The following PDE1C variants were observed in gnomAD, a reference collection of about 807,000 sequenced individuals.
PDE1C encodes the protein dual specificity calcium/calmodulin-dependent 3',5'-cyclic nucleotide phosphodiesterase 1C.
PDE1C carries 62 observed loss-of-function variants against 93.1 expected under a neutral mutation model. The ratio of observed to expected loss-of-function variants is 0.67; its 90% confidence interval spans 0.54 to 0.82. The LOEUF is 0.82. Ranked by LOEUF, PDE1C falls within the 40% of genes least tolerant of loss-of-function variation. The pLI is 0.00. For synonymous variants in PDE1C, 325 were observed against 310.1 expected, an observed-to-expected ratio of 1.05 and a Z score of -0.50; for missense variants, 742 against 884.6, an observed-to-expected ratio of 0.84 and a Z score of 2.04.
At chr7:32,413,961 C>T (rs1030065886) in intron 1 of PDE1C, among the ~76,000 whole-genome samples, 2 of 151,878 alleles carry the variant, frequency 1.3e-5, no homozygotes, top group Non-Finnish European at 2.9e-5. Flanking sequence ...GCCTGTAATC[C>T]CAGTACTTTC....
intron 3 of PDE1C, among the ~76,000 whole-genome samples, chr7:32,082,996 G>C (rs1215364531): frequency 1.3e-5 from 2 of 151,122 alleles, no homozygotes; most frequent in Non-Finnish European, 2.9e-5. Flanking sequence ...GAACAAAGCT[G>C]GACGGAGAAT....
In PDE1C at chr7:32,294,185, C is replaced by A. The variant is rs370054593; in HGVS notation, c.85+4466G>T. 2.8e-3 allele frequency among the ~76,000 whole-genome samples: 428 copies of A among 152,296 alleles called. 3 individuals are homozygous for A. Among genetic ancestry groups the A allele is most frequent in the African/African-American group, 9.6e-3 (400 of 41,552 alleles). On this transcript the variant is annotated intron_variant, in intron 1 of 18. Coordinates refer to the PDE1C transcript ENST00000396193. ...TAGGTCAGGGAACCCCCACTCCCAG[C>A]CCCTCAAGCCTCCGATTGCTGTCTA...
At chr7:32,214,806 T>C (rs961375490) in intron 1 of PDE1C, among the ~76,000 whole-genome samples, 2 of 152,192 alleles carry the variant, frequency 1.3e-5, no homozygotes, top group African/African-American at 2.4e-5. Context: ...ATTGCCTCTA[T>C]CCTTCAGCAT....
chr7:31,958,148 T>A (rs1195065574), intron 2 of PDE1C, among the ~76,000 whole-genome samples: 1 of 152,228 alleles, frequency 6.6e-6, no homozygotes, highest in African/African-American at 2.4e-5. Flanking sequence ...CTTTCATTCA[T>A]GCTAGTGCCA....
chr7:32,219,818 G>C (rs931218159), intron 1 of PDE1C, among the ~76,000 whole-genome samples: 11 of 152,206 alleles, frequency 7.2e-5, no homozygotes, highest in African/African-American at 2.4e-4. Context: ...TATTGATATG[G>C]TTTGGCTGTG....
At chr7:31,626,162 C>T in the PDE1C span, among the ~76,000 whole-genome samples, 1 of 152,188 alleles carries the variant, frequency 6.6e-6, no homozygotes. Context: ...AAATCTGTGA[C>T]TATGTGTATG....
chr7:32,274,376 T>TTTC (rs1226992071), intron 1 of PDE1C, among the ~76,000 whole-genome samples: 1 of 150,062 alleles, frequency 6.7e-6, no homozygotes. Context: ...TCTGGCCTTT[T>TTTC]TTTTTTTTTT....
At chr7:32,273,102 A>G (rs1018201288) in intron 1 of PDE1C, among the ~76,000 whole-genome samples, 22 of 152,136 alleles carry the variant, frequency 1.4e-4, no homozygotes, top group African/African-American at 5.3e-4. Context: ...GTGATGAAGA[A>G]ATCTATTTCA....
chr7:31,695,116 G>C, the PDE1C span, among the ~76,000 whole-genome samples: 10 of 150,634 alleles, frequency 6.6e-5, no homozygotes, highest in Middle Eastern at 6.8e-3. Context: ...TGAGCAAAAA[G>C]AATGGAGGCG....
intron 2 of PDE1C, among the ~76,000 whole-genome samples, chr7:31,963,608 G>A (rs927011526): frequency 2.0e-5 from 3 of 152,060 alleles, no homozygotes; most frequent in African/African-American, 4.8e-5. Flanking sequence ...TAATTTTTGA[G>A]AGTAATCTGT....
chr7:31,803,567 TC>T (rs1190087259), intron 16 of PDE1C, among the ~76,000 whole-genome samples: 4 of 151,850 alleles, frequency 2.6e-5, no homozygotes, highest in African/African-American at 9.6e-5. Context: ...CCCACAACAG[TC>T]CCCGGTGTGT....
At chr7:32,289,967 C>T (rs912145250) in intron 1 of PDE1C, among the ~76,000 whole-genome samples, 3 of 152,186 alleles carry the variant, frequency 2.0e-5, no homozygotes, top group South Asian at 2.1e-4. Context: ...CCTAATACTC[C>T]AGGGCAGAGT....
intron 6 of PDE1C, among the ~76,000 whole-genome samples, chr7:31,867,111 C>A (rs371230500): frequency 2.6e-5 from 4 of 152,226 alleles, no homozygotes; most frequent in African/African-American, 9.6e-5. Context: ...TGCCTGCAGC[C>A]ACAACTGTGG....
chr7:31,717,419 C>T, the PDE1C span, among the ~76,000 whole-genome samples: 1 of 152,174 alleles, frequency 6.6e-6, no homozygotes, highest in African/African-American at 2.4e-5. Flanking sequence ...AGGTTGCCTG[C>T]CTTCAGCCTT....
chr7:32,106,375 A>C (rs1164272620), intron 3 of PDE1C, among the ~76,000 whole-genome samples: 2 of 152,124 alleles, frequency 1.3e-5, no homozygotes, highest in African/African-American at 2.4e-5. Flanking sequence ...CCTTCTCTTA[A>C]ATATGAGCAG....
intron 11 of PDE1C, among the ~76,000 whole-genome samples, chr7:31,834,376 G>A (rs1455604198): frequency 6.6e-6 from 1 of 152,150 alleles, no homozygotes; most frequent in Admixed American, 6.5e-5. Flanking sequence ...CTGACAACTT[G>A]CACCATGTGC....
At chr7:31,853,313 C>A (rs971045247) in intron 7 of PDE1C, among the ~76,000 whole-genome samples, 1 of 152,156 alleles carries the variant, frequency 6.6e-6, no homozygotes, top group African/African-American at 2.4e-5. Context: ...ATCAGTTATG[C>A]TGCTTTGGGG....
At chr7:31,658,274 A>C in the PDE1C span, 1 of 1,504,410 alleles carries the variant, frequency 6.6e-7, no homozygotes, top group Non-Finnish European at 8.8e-7. Flanking sequence ...CTTATAGGTG[A>C]ATTATTGTCT....
intron 1 of PDE1C, among the ~76,000 whole-genome samples, chr7:32,375,356 C>T (rs926130418): frequency 6.6e-6 from 1 of 152,114 alleles, no homozygotes; most frequent in Non-Finnish European, 1.5e-5. Context: ...AAGGGATTAA[C>T]GCCGGGAGTG....
Sources: allele counts gnomAD v4.1 joint callset (sites outside exome capture counted in the v4.1 genomes callset), GRCh38; gene constraint gnomAD v4.1.1; transcripts MANE v1.5; gene names NCBI Gene and HGNC (gene_info 2026-07-23, HGNC 2026-07-21).